The following PRR16 variants were observed in gnomAD, a reference collection of about 807,000 sequenced individuals.
PRR16 encodes the protein protein Largen.
In PRR16, 6 loss-of-function variants were observed where a neutral mutation model predicts 18.2. The observed-to-expected ratio is 0.33, with a 90% confidence interval of 0.18 to 0.65. The LOEUF (loss-of-function observed/expected upper bound fraction) is 0.65. Among genes scored for constraint, PRR16 ranks in the 30% least tolerant of loss-of-function variants. PRR16 has a pLI of 0.74. For missense variants in PRR16, 412 were observed against 376.6 expected (o/e 1.09, Z -0.78); for synonymous variants, 151 against 147.8 (o/e 1.02, Z -0.16).
At chr5:120,755,760 C>T in the PRR16 span, among the ~76,000 whole-genome samples, 1 of 152,060 alleles carries the variant, frequency 6.6e-6, no homozygotes, top group African/African-American at 2.4e-5. Flanking sequence ...AATAGTGTTA[C>T]TGGTGGTGAC....
At chr5:120,748,777 G>A in the PRR16 span, among the ~76,000 whole-genome samples, 22,421 of 152,014 alleles carry the variant, frequency 0.15, 2,508 homozygotes, top group African/African-American at 0.31. Context: ...AAGAATTAAA[G>A]GAACTGAAAG....
At chr5:120,737,767 A>G in the PRR16 span, among the ~76,000 whole-genome samples, 1 of 151,712 alleles carries the variant, frequency 6.6e-6, no homozygotes, top group Non-Finnish European at 1.5e-5. Context: ...TTGTTTGGAT[A>G]TTTTAGATTG....
downstream of PRR16, among the ~76,000 whole-genome samples, chr5:120,690,486 A>C (rs1242236725): frequency 1.3e-5 from 2 of 152,166 alleles, no homozygotes; most frequent in Non-Finnish European, 1.5e-5. Context: ...AAAAGTTTAC[A>C]TTGTAATGTA....
chr5:120,655,743 T>A (rs571681450), intron 1 of PRR16, among the ~76,000 whole-genome samples: 1 of 151,260 alleles, frequency 6.6e-6, no homozygotes, highest in Non-Finnish European at 1.5e-5. Flanking sequence ...TTTTGTTTTT[T>A]TTTTTCTGAA....
intron 1 of PRR16, among the ~76,000 whole-genome samples, chr5:120,654,469 A>G (rs1755899596): frequency 1.3e-5 from 2 of 151,322 alleles, no homozygotes; most frequent in South Asian, 4.1e-4. Flanking sequence ...AGTTGCCACA[A>G]AAAGTGTCTT....
the PRR16 span, among the ~76,000 whole-genome samples, chr5:120,767,791 T>A: frequency 6.6e-6 from 1 of 151,774 alleles, no homozygotes; most frequent in African/African-American, 2.4e-5. Context: ...AAGACTTCAC[T>A]GAAACAAGGT....
chr5:120,794,590 A>G, the PRR16 span, among the ~76,000 whole-genome samples: 4 of 152,104 alleles, frequency 2.6e-5, no homozygotes, highest in Non-Finnish European at 5.9e-5. Context: ...TGACTGTTTC[A>G]TCAAGCAGCC....
the PRR16 span, among the ~76,000 whole-genome samples, chr5:120,764,938 C>G: frequency 0.049 from 7,378 of 151,990 alleles, 317 homozygotes; most frequent in African/African-American, 0.11. Flanking sequence ...TCCTAGGATG[C>G]CTGTGTTGAT....
intron 1 of PRR16, among the ~76,000 whole-genome samples, chr5:120,506,249 C>A (rs1380758569): frequency 6.6e-6 from 1 of 151,668 alleles, no homozygotes; most frequent in East Asian, 1.9e-4. Flanking sequence ...TTTAGGTATT[C>A]TTTATAACTT....
the PRR16 span, chr5:120,710,643 C>A: frequency 6.6e-6 from 1 of 152,130 alleles, no homozygotes; most frequent in Non-Finnish European, 1.5e-5. Flanking sequence ...ACAAGTATGA[C>A]AAGATTAGTC....
the PRR16 span, among the ~76,000 whole-genome samples, chr5:120,742,761 C>T: frequency 6.6e-6 from 1 of 152,058 alleles, no homozygotes; most frequent in Admixed American, 6.5e-5. Flanking sequence ...AGCTCTGGAC[C>T]CCATAAGTCC....
In PRR16 at chr5:120,616,985, G is replaced by A. The variant is rs1352097289; in HGVS notation, c.160-68969G>A. ...TCAGTATATCCTATTCCTTCATGAC[G>A]AATGCCTCCCCATCCATTCATAACC... On this transcript the variant is annotated intron_variant, in intron 1 of 1. Coordinates refer to ENST00000407149, the MANE Select transcript of PRR16 (RefSeq NM_001300783.2). 9 of 295,562 alleles carry A rather than the reference G, an allele frequency of 3.0e-5. No homozygotes were observed. In the Admixed American group the frequency reaches 5.2e-4, roughly 17 times the overall value. 18.3% of individuals were successfully genotyped at this position (295,562 alleles called of 1,614,324 possible).
chr5:120,558,352 G>T (rs1043071625), intron 1 of PRR16, among the ~76,000 whole-genome samples: 40 of 151,808 alleles, frequency 2.6e-4, no homozygotes, highest in African/African-American at 8.2e-4. Context: ...TCTCCATGAT[G>T]AACTCATCAT....
chr5:120,773,446 T>A, the PRR16 span, among the ~76,000 whole-genome samples: 1 of 152,092 alleles, frequency 6.6e-6, no homozygotes, highest in Admixed American at 6.6e-5. Flanking sequence ...TAGTCAGTAG[T>A]AGGAGGAATG....
intron 1 of PRR16, among the ~76,000 whole-genome samples, chr5:120,491,182 C>A (rs1750025363): frequency 6.6e-6 from 1 of 152,154 alleles, no homozygotes; most frequent in African/African-American, 2.4e-5. Flanking sequence ...TCAAATCTGT[C>A]AGACAGGGAC....
At chr5:120,753,121 A>G in the PRR16 span, among the ~76,000 whole-genome samples, 1,688 of 152,072 alleles carry the variant, frequency 0.011, 29 homozygotes, top group African/African-American at 0.037. Flanking sequence ...AGCATTTGTA[A>G]AAGGTCAATC....
At chr5:120,480,443 G>T (rs373518500) in intron 1 of PRR16, among the ~76,000 whole-genome samples, 53 of 152,196 alleles carry the variant, frequency 3.5e-4, no homozygotes, top group African/African-American at 1.3e-3. Flanking sequence ...CAGGGAGGGG[G>T]ATAGTTACCA....
intron 1 of PRR16, among the ~76,000 whole-genome samples, chr5:120,516,850 T>G (rs1751014559): frequency 6.6e-6 from 1 of 152,174 alleles, no homozygotes; most frequent in Admixed American, 6.5e-5. Context: ...ACCTGCTGCT[T>G]TATTTCCCGT....
At chr5:120,718,507 C>G in the PRR16 span, among the ~76,000 whole-genome samples, 1 of 152,048 alleles carries the variant, frequency 6.6e-6, no homozygotes, top group Non-Finnish European at 1.5e-5. Context: ...GTAGTCAATT[C>G]TTTCTTGTGT....
Sources: gnomAD v4.1 joint callset for allele counts (sites outside exome capture counted in the v4.1 genomes callset) on GRCh38, gnomAD v4.1.1 for gene constraint, MANE v1.5 for transcripts, NCBI Gene and HGNC (gene_info 2026-07-23, HGNC 2026-07-21) for gene names.